The following CHST8 variants were observed in gnomAD, a reference collection of about 807,000 sequenced individuals.
CHST8 encodes GALNAC-4-ST1.
CHST8 carries 10 observed loss-of-function variants against 15.0 expected under a neutral mutation model. The observed-to-expected ratio is 0.67, with a 90% CI of 0.41 to 1.13. The LOEUF is 1.13. CHST8 is among the 50% of genes most tolerant of loss of function. CHST8 has a pLI of 0.00. For synonymous variants in CHST8, 259 were observed against 256.6 expected, an observed-to-expected ratio of 1.01 and a Z score of -0.09; for missense variants, 634 against 608.2, an observed-to-expected ratio of 1.04 and a Z score of -0.45.
intron 1 of CHST8, among the ~76,000 whole-genome samples, chr19:33,665,407 G>T (rs78798817): frequency 0.034 from 5,121 of 152,236 alleles, 146 homozygotes; most frequent in South Asian, 0.1. Flanking sequence ...ATAATGTGAA[G>T]GCACCCACAG....
chr19:33,754,590 A>T (rs1253536035), intron 3 of CHST8, among the ~76,000 whole-genome samples: 1 of 152,174 alleles, frequency 6.6e-6, no homozygotes, highest in Admixed American at 6.5e-5. Context: ...ACCAGGATGG[A>T]GCTTTAGCTT....
At position 33,667,815 on chromosome 19, in the gene CHST8, G is replaced by T. The variant is rs1344324463; in HGVS notation, c.-115G>T. On this transcript the variant is annotated 5_prime_UTR_variant, in exon 2 of 5. Transcript: ENST00000650847. The stretch of plus-strand genomic sequence containing the variant: ...TTACCTTAATTTGACAAGTACGCAA[G>T]AAATAATGCAAGACTCGTTTATGTT... 6.6e-6 allele frequency: 1 copy of T among 151,994 alleles called. No homozygotes were observed. The highest frequency in any genetic ancestry group is 1.9e-4 in the East Asian group (1 of 5,186). 9.4% of individuals were successfully genotyped at this position (151,994 alleles called of 1,614,324 possible).
At chr19:33,686,618 G>A (rs1972984724) in intron 2 of CHST8, among the ~76,000 whole-genome samples, 1 of 152,146 alleles carries the variant, frequency 6.6e-6, no homozygotes, top group African/African-American at 2.4e-5. Context: ...GCAGTTCTGG[G>A]CGCTAGCCAT....
intron 2 of CHST8, among the ~76,000 whole-genome samples, chr19:33,683,135 G>A (rs535415182): frequency 7.2e-4 from 110 of 152,262 alleles, no homozygotes; most frequent in Admixed American, 7.1e-3. Context: ...CATTCATGAG[G>A]GATCCACCCT....
chr19:33,752,558 C>T (rs1179646647), intron 3 of CHST8, among the ~76,000 whole-genome samples: 2 of 152,086 alleles, frequency 1.3e-5, no homozygotes, highest in Non-Finnish European at 2.9e-5. Flanking sequence ...AGACAGCTGT[C>T]GGTTTTAGGC....
intron 1 of CHST8, among the ~76,000 whole-genome samples, chr19:33,651,177 C>T (rs1404346512): frequency 2.0e-5 from 3 of 152,124 alleles, no homozygotes; most frequent in Non-Finnish European, 4.4e-5. Context: ...AGTCTAAACC[C>T]ACCTAAGGTC....
chr19:33,769,020 T>C (rs1974912188), intron 3 of CHST8, among the ~76,000 whole-genome samples: 1 of 152,212 alleles, frequency 6.6e-6, no homozygotes, highest in South Asian at 2.1e-4. Flanking sequence ...TTCCTCTAGT[T>C]AATGCCAAGG....
At chr19:33,722,083 G>C (rs1973808793) in intron 3 of CHST8, among the ~76,000 whole-genome samples, 1 of 150,048 alleles carries the variant, frequency 6.7e-6, no homozygotes, top group Non-Finnish European at 1.5e-5. Context: ...ATGGATGGAT[G>C]GATGGATGGA....
chr19:33,745,406 C>G (rs929975091), intron 3 of CHST8, among the ~76,000 whole-genome samples: 3 of 152,264 alleles, frequency 2.0e-5, no homozygotes, highest in Admixed American at 2.0e-4. Context: ...GGCATTACTG[C>G]CTCTGGCCTT....
At position 33,772,492 on chromosome 19, in the gene CHST8, G is replaced by A. The variant is rs758239416; in HGVS notation, c.704G>A (p.Arg235His). The change falls in exon 5 of 5, where the codon CGC becomes CAC. Residue 235 changes from arginine (R) to histidine (H), a missense_variant. Physicochemically the swap from Arg to His is conservative, Grantham distance 29. Coordinates refer to ENST00000650847, the MANE Select transcript of CHST8 (RefSeq NM_001127895.2). Reference protein sequence around the residue: ...NTVHYGSALKRLDTFDRQGIL... With the variant: ...NTVHYGSALKHLDTFDRQGIL... ...GTCCACTATGGCAGCGCTCTCAAGC[G>A]CCTGGACACCTTCGACCGCCAGGGT... The A allele has an allele frequency of 2.5e-6, 4 of 1,613,692 alleles. No homozygotes were observed. Among genetic ancestry groups the A allele is most frequent in the Non-Finnish European group, 3.4e-6 (4 of 1,180,026 alleles).
At chr19:33,690,762 A>G (rs1009551974) in intron 3 of CHST8, among the ~76,000 whole-genome samples, 9 of 152,218 alleles carry the variant, frequency 5.9e-5, no homozygotes, top group African/African-American at 1.9e-4. Context: ...GCAGCCTCAC[A>G]TGAGCCCCAG....
At chr19:33,718,673 A>C (rs1170752681) in intron 3 of CHST8, among the ~76,000 whole-genome samples, 1 of 152,168 alleles carries the variant, frequency 6.6e-6, no homozygotes, top group African/African-American at 2.4e-5. Context: ...CTGGGATCTC[A>C]GGAGGAAGAT....
At chr19:33,662,719 G>A (rs1972603106) in intron 1 of CHST8, among the ~76,000 whole-genome samples, 1 of 152,170 alleles carries the variant, frequency 6.6e-6, no homozygotes, top group African/African-American at 2.4e-5. Context: ...AGAGGAAAAG[G>A]TGGTGGAGAG....
chr19:33,762,079 A>T (rs1974742102), intron 3 of CHST8, among the ~76,000 whole-genome samples: 1 of 152,188 alleles, frequency 6.6e-6, no homozygotes, highest in Non-Finnish European at 1.5e-5. Flanking sequence ...AGACCATAGG[A>T]CATGCACACC....
chr19:33,653,136 G>A (rs1244420412), intron 1 of CHST8, among the ~76,000 whole-genome samples: 2 of 152,110 alleles, frequency 1.3e-5, no homozygotes, highest in African/African-American at 4.8e-5. Context: ...TGAGAGTTCT[G>A]TTTTCAACTG....
intron 1 of CHST8, among the ~76,000 whole-genome samples, chr19:33,643,083 C>T (rs1268449082): frequency 6.6e-6 from 1 of 152,098 alleles, no homozygotes; most frequent in Non-Finnish European, 1.5e-5. Flanking sequence ...ACCTTTGTGC[C>T]ATCCCAGCAT....
intron 1 of CHST8, among the ~76,000 whole-genome samples, chr19:33,667,078 A>C (rs1325580448): frequency 6.6e-6 from 1 of 152,152 alleles, no homozygotes; most frequent in East Asian, 1.9e-4. Flanking sequence ...TCGAGTGCCC[A>C]TGAGAAGGCA....
chr19:33,750,642 T>A (rs908257270), intron 3 of CHST8, among the ~76,000 whole-genome samples: 1 of 152,202 alleles, frequency 6.6e-6, no homozygotes, highest in Non-Finnish European at 1.5e-5. Flanking sequence ...TGGTTGCCCA[T>A]AGGGAACCAA....
chr19:33,638,117 A>G (rs189433418), intron 1 of CHST8, among the ~76,000 whole-genome samples: 145 of 152,138 alleles, frequency 9.5e-4, no homozygotes, highest in African/African-American at 3.3e-3. Flanking sequence ...AGCCTCACCA[A>G]TTTCAGGATA....
Sources: allele counts gnomAD v4.1 joint callset (sites outside exome capture counted in the v4.1 genomes callset), GRCh38; gene constraint gnomAD v4.1.1; transcripts MANE v1.5; gene names NCBI Gene and HGNC (gene_info 2026-07-23, HGNC 2026-07-21).